SPOCK3: variants seen among roughly 807,000 people sequenced by gnomAD.
SPOCK3 encodes the protein SPARC (osteonectin), cwcv and kazal like domains proteoglycan 3, also known as testican-3.
In SPOCK3, 30 loss-of-function variants were observed where a neutral mutation model predicts 56.6. The ratio of observed to expected loss-of-function variants is 0.53; its 90% CI spans 0.40 to 0.72. The LOEUF is 0.72. Ranked by LOEUF, SPOCK3 falls within the 30% of genes least tolerant of loss-of-function variation. The pLI, the probability that SPOCK3 is intolerant of heterozygous loss-of-function variation, is 0.00. For synonymous variants in SPOCK3, 196 were observed against 183.3 expected (o/e 1.07, Z -0.56); for missense variants, 527 against 530.0 (o/e 0.99, Z 0.06).
intron 6 of SPOCK3, among the ~76,000 whole-genome samples, chr4:166,876,120 C>T (rs1333260943): frequency 6.6e-6 from 1 of 152,116 alleles, no homozygotes; most frequent in Non-Finnish European, 1.5e-5. Context: ...TCTTTACTAC[C>T]GCGAGAATTA....
intron 2 of SPOCK3, among the ~76,000 whole-genome samples, chr4:167,223,149 AATAT>A (rs998065225): frequency 2.5e-5 from 3 of 120,936 alleles, no homozygotes; most frequent in South Asian, 2.3e-4. Context: ...TTTATATATG[AATAT>A]ATATTTTATA....
chr4:166,910,968 A>G (rs1300023565), intron 5 of SPOCK3, among the ~76,000 whole-genome samples: 1 of 152,160 alleles, frequency 6.6e-6, no homozygotes, highest in African/African-American at 2.4e-5. Context: ...TTATAAGTCA[A>G]TAAATCAGCA....
At chr4:166,931,947 T>A (rs975638633) in intron 4 of SPOCK3, among the ~76,000 whole-genome samples, 12 of 152,172 alleles carry the variant, frequency 7.9e-5, no homozygotes, top group African/African-American at 2.9e-4. Context: ...TCGTGACACT[T>A]CTCCTGTGTC....
intron 5 of SPOCK3, 67 bp downstream of exon 5, chr4:166,912,553 G>A (rs1215701839): frequency 2.1e-6 from 3 of 1,422,570 alleles, no homozygotes; most frequent in African/African-American, 2.8e-5. Context: ...GATAAGCAAT[G>A]GTTTTAATCA....
At chr4:167,170,752 T>C (rs886419963) in intron 2 of SPOCK3, among the ~76,000 whole-genome samples, 1 of 152,144 alleles carries the variant, frequency 6.6e-6, no homozygotes, top group African/African-American at 2.4e-5. Flanking sequence ...TAAACAATTG[T>C]TGAAAACCTG....
At chr4:166,768,804 C>T (rs905087751) in intron 7 of SPOCK3, among the ~76,000 whole-genome samples, 6 of 152,190 alleles carry the variant, frequency 3.9e-5, no homozygotes, top group African/African-American at 1.2e-4. Flanking sequence ...TTCCATTCTC[C>T]CCATCACTTT....
intron 4 of SPOCK3, among the ~76,000 whole-genome samples, chr4:166,971,237 T>A (rs937536258): frequency 7.2e-5 from 11 of 152,288 alleles, no homozygotes; most frequent in African/African-American, 2.4e-4. Context: ...TTTTCCATCA[T>A]GTAAATAATT....
intron 6 of SPOCK3, among the ~76,000 whole-genome samples, chr4:166,811,290 T>A (rs1175678099): frequency 2.6e-5 from 4 of 151,674 alleles, no homozygotes; most frequent in Non-Finnish European, 5.9e-5. Context: ...TAAGATAGAT[T>A]ATTTGCTCAC....
At chr4:167,163,576 C>A (rs544370314) in intron 2 of SPOCK3, among the ~76,000 whole-genome samples, 2 of 151,906 alleles carry the variant, frequency 1.3e-5, no homozygotes, top group Non-Finnish European at 2.9e-5. Flanking sequence ...CTTTCCCCAC[C>A]CCTCCCCACT....
chr4:167,068,102 A>G (rs1756340459), intron 2 of SPOCK3, among the ~76,000 whole-genome samples: 1 of 151,736 alleles, frequency 6.6e-6, no homozygotes, highest in African/African-American at 2.4e-5. Flanking sequence ...AAAAAGAATA[A>G]TTATGAAGAT....
intron 1 of SPOCK3, 34 bp from the exon 2 acceptor site, chr4:167,234,207 C>G: frequency 6.2e-7 from 1 of 1,600,996 alleles, no homozygotes; most frequent in Non-Finnish European, 8.5e-7. Context: ...GGTGGGGGGG[C>G]ATGTCAGTGT....
intron 8 of SPOCK3, among the ~76,000 whole-genome samples, chr4:166,753,368 G>T (rs1736667937): frequency 6.6e-6 from 1 of 151,934 alleles, no homozygotes; most frequent in South Asian, 2.1e-4. Context: ...TAACTTGAAA[G>T]CACATATGTA....
chr4:166,775,258 T>C (rs1379889107), intron 7 of SPOCK3, among the ~76,000 whole-genome samples: 1 of 152,140 alleles, frequency 6.6e-6, no homozygotes. Flanking sequence ...GGTCAGAGCA[T>C]GAGTGGTCTG....
At chr4:166,911,192 G>A (rs1027963914) in intron 5 of SPOCK3, among the ~76,000 whole-genome samples, 1 of 152,114 alleles carries the variant, frequency 6.6e-6, no homozygotes, top group Admixed American at 6.6e-5. Context: ...TAAAAGTTTA[G>A]CAGGTAGACA....
chr4:166,993,195 G>A (rs1747986468), intron 4 of SPOCK3, among the ~76,000 whole-genome samples: 1 of 152,188 alleles, frequency 6.6e-6, no homozygotes, highest in African/African-American at 2.4e-5. Flanking sequence ...CAAATGCAAG[G>A]AGGGTTCCTG....
chr4:166,768,527 T>C (rs940528849), intron 7 of SPOCK3, among the ~76,000 whole-genome samples: 2 of 152,244 alleles, frequency 1.3e-5, no homozygotes, highest in African/African-American at 4.8e-5. Flanking sequence ...CACTCTCTTC[T>C]GCCTTTTAGA....
At chr4:167,026,189 C>T (rs1051574790) in intron 3 of SPOCK3, among the ~76,000 whole-genome samples, 1 of 151,948 alleles carries the variant, frequency 6.6e-6, no homozygotes, top group Non-Finnish European at 1.5e-5. Context: ...GAATACATGC[C>T]ATGCAGAGCC....
intron 3 of SPOCK3, among the ~76,000 whole-genome samples, chr4:167,028,585 C>G (rs952485383): frequency 3.3e-5 from 5 of 151,928 alleles, no homozygotes; most frequent in African/African-American, 1.2e-4. Flanking sequence ...TCTTGAGTTG[C>G]AGTTATGTAT....
chr4:166,794,765 C>T (rs942974539), intron 6 of SPOCK3, among the ~76,000 whole-genome samples: 3 of 151,346 alleles, frequency 2.0e-5, no homozygotes, highest in African/African-American at 7.3e-5. Context: ...GCCTCAGTCT[C>T]CTGAGTAGCT....
Sources: allele counts gnomAD v4.1 joint callset (sites outside exome capture counted in the v4.1 genomes callset), GRCh38; gene constraint gnomAD v4.1.1; transcripts MANE v1.5; gene names NCBI Gene and HGNC (gene_info 2026-07-23, HGNC 2026-07-21).